The following HEMK2 variants were observed in gnomAD, a reference collection of about 807,000 sequenced individuals.
HEMK2 encodes HemK methyltransferase 2, ETF1 glutamine and histone H4 lysine, also known as methyltransferase HEMK2.
chr21:28,854,261 T>C, the HEMK2 span, among the ~76,000 whole-genome samples: 3 of 152,212 alleles, frequency 2.0e-5, no homozygotes, highest in Non-Finnish European at 4.4e-5. Flanking sequence ...TGCATTTATT[T>C]TGCATAACTT....
chr21:28,750,385 A>C, the HEMK2 span, among the ~76,000 whole-genome samples: 1 of 152,140 alleles, frequency 6.6e-6, no homozygotes, highest in Non-Finnish European at 1.5e-5. Context: ...AACTAGGCCA[A>C]ACCCATTTCA....
At chr21:28,749,013 C>T in the HEMK2 span, among the ~76,000 whole-genome samples, 1 of 152,192 alleles carries the variant, frequency 6.6e-6, no homozygotes, top group African/African-American at 2.4e-5. Flanking sequence ...ACCTTGGAGA[C>T]ATGGCTCCTT....
chr21:28,782,707 A>G, the HEMK2 span, among the ~76,000 whole-genome samples: 1 of 152,264 alleles, frequency 6.6e-6, no homozygotes, highest in Non-Finnish European at 1.5e-5. Flanking sequence ...GTGATTGCTA[A>G]TGAGTATGGG....
the HEMK2 span, among the ~76,000 whole-genome samples, chr21:28,751,991 T>C: frequency 1.3e-5 from 2 of 152,206 alleles, no homozygotes; most frequent in African/African-American, 4.8e-5. Context: ...AAAAAATGTT[T>C]GTTTTATAGA....
chr21:28,578,745 A>C, the HEMK2 span, among the ~76,000 whole-genome samples: 1 of 152,146 alleles, frequency 6.6e-6, no homozygotes, highest in Non-Finnish European at 1.5e-5. Context: ...TATCCATGGG[A>C]GGAAAGTGAG....
chr21:28,829,131 A>C, the HEMK2 span, among the ~76,000 whole-genome samples: 1 of 152,158 alleles, frequency 6.6e-6, no homozygotes, highest in African/African-American at 2.4e-5. Flanking sequence ...TTCATTTTTA[A>C]CGATTTTGAT....
the HEMK2 span, among the ~76,000 whole-genome samples, chr21:28,619,113 G>A: frequency 3.3e-5 from 5 of 152,214 alleles, no homozygotes; most frequent in East Asian, 1.9e-4. Flanking sequence ...GGGAGAAGAC[G>A]GCCATCTACA....
At chr21:28,665,121 T>TAA in the HEMK2 span, among the ~76,000 whole-genome samples, 33 of 138,804 alleles carry the variant, frequency 2.4e-4, no homozygotes, top group African/African-American at 5.8e-4. Context: ...CTACTAAACA[T>TAA]AAAAAAAAAA....
chr21:28,876,430 T>C, the HEMK2 span: 6 of 1,612,500 alleles, frequency 3.7e-6, no homozygotes, highest in African/African-American at 6.7e-5. Flanking sequence ...CTTGGCCTGC[T>C]TGTCTGGAAA....
the HEMK2 span, among the ~76,000 whole-genome samples, chr21:28,617,120 C>T: frequency 2.6e-5 from 4 of 152,128 alleles, no homozygotes; most frequent in South Asian, 2.1e-4. Context: ...GGTCAGAGAG[C>T]GACTTGGTGG....
At chr21:28,828,597 C>T in the HEMK2 span, among the ~76,000 whole-genome samples, 1 of 152,184 alleles carries the variant, frequency 6.6e-6, no homozygotes. Context: ...ACCAAAGGCA[C>T]TTTGGTGACA....
At chr21:28,695,958 C>T in the HEMK2 span, among the ~76,000 whole-genome samples, 1 of 151,846 alleles carries the variant, frequency 6.6e-6, no homozygotes, top group African/African-American at 2.4e-5. Context: ...AAGACATACC[C>T]GAGACTCGGT....
At chr21:28,815,689 ATG>A in the HEMK2 span, among the ~76,000 whole-genome samples, 1 of 152,156 alleles carries the variant, frequency 6.6e-6, no homozygotes, top group African/African-American at 2.4e-5. Context: ...AAAGACAAAG[ATG>A]AGCAAAACAA....
the HEMK2 span, among the ~76,000 whole-genome samples, chr21:28,650,985 G>A: frequency 6.6e-6 from 1 of 152,168 alleles, no homozygotes; most frequent in African/African-American, 2.4e-5. Flanking sequence ...TTGAATGAGA[G>A]AAGCAGCAAG....
chr21:28,651,764 A>C, the HEMK2 span, among the ~76,000 whole-genome samples: 2 of 152,230 alleles, frequency 1.3e-5, no homozygotes, highest in African/African-American at 4.8e-5. Flanking sequence ...AATAGAAAAT[A>C]AAGTCTGCCA....
At chr21:28,853,760 T>C in the HEMK2 span, among the ~76,000 whole-genome samples, 1 of 152,212 alleles carries the variant, frequency 6.6e-6, no homozygotes, top group African/African-American at 2.4e-5. Context: ...GTTGCCACTA[T>C]TGGAGTTGAG....
the HEMK2 span, among the ~76,000 whole-genome samples, chr21:28,644,134 G>T: frequency 6.6e-6 from 1 of 152,170 alleles, no homozygotes; most frequent in African/African-American, 2.4e-5. Context: ...AGGCTTAATT[G>T]ACCCACAGTT....
the HEMK2 span, among the ~76,000 whole-genome samples, chr21:28,700,199 C>T: frequency 1.3e-5 from 2 of 152,270 alleles, no homozygotes; most frequent in South Asian, 4.1e-4. Flanking sequence ...CACTATGTAG[C>T]TTTTCCTATT....
chr21:28,824,496 T>C, the HEMK2 span, among the ~76,000 whole-genome samples: 2 of 152,218 alleles, frequency 1.3e-5, no homozygotes, highest in African/African-American at 4.8e-5. Context: ...CATAATTTCA[T>C]TTGTCTTCAA....
Sources: allele counts gnomAD v4.1 joint callset (sites outside exome capture counted in the v4.1 genomes callset), GRCh38; gene constraint gnomAD v4.1.1; transcripts MANE v1.5; gene names NCBI Gene and HGNC (gene_info 2026-07-23, HGNC 2026-07-21).